The following FRK variants were observed in gnomAD, a reference collection of about 807,000 sequenced individuals.
FRK encodes tyrosine-protein kinase FRK.
FRK carries 51 observed loss-of-function variants against 56.4 expected under a neutral mutation model. The ratio of observed to expected loss-of-function variants is 0.90; its 90% CI spans 0.72 to 1.14. The LOEUF is 1.14. FRK is among the 50% of genes most tolerant of loss of function. The pLI is 0.00. For missense variants in FRK, 570 were observed against 601.4 expected, an observed-to-expected ratio of 0.95 and a Z score of 0.55; for synonymous variants, 245 against 217.9, an observed-to-expected ratio of 1.12 and a Z score of -1.10.
intron 4 of FRK, among the ~76,000 whole-genome samples, chr6:115,958,641 A>G (rs1179574573): frequency 3.5e-4 from 2 of 5,760 alleles, no homozygotes; most frequent in Non-Finnish European, 4.2e-4. Flanking sequence ...AAAGGAAAGA[A>G]AGAAAAGAAA....
chr6:116,076,969 C>T, the FRK span, among the ~76,000 whole-genome samples: 1 of 152,184 alleles, frequency 6.6e-6, no homozygotes, highest in South Asian at 2.1e-4. Flanking sequence ...AAAAATCCAT[C>T]TCCCAATTCA....
the FRK span, among the ~76,000 whole-genome samples, chr6:116,094,061 G>A: frequency 6.6e-6 from 1 of 152,200 alleles, no homozygotes; most frequent in Non-Finnish European, 1.5e-5. Context: ...GTTTCAGAAA[G>A]GACAGAAAAT....
At chr6:116,049,173 A>G (rs1777098273) in intron 1 of FRK, among the ~76,000 whole-genome samples, 1 of 152,080 alleles carries the variant, frequency 6.6e-6, no homozygotes, top group Non-Finnish European at 1.5e-5. Flanking sequence ...CCACTCTTTA[A>G]ACTATCATAC....
At position 116,009,621 on chromosome 6, in the gene FRK, A is replaced by C. The variant is rs577755702; in HGVS notation, c.345-5623T>G. Among the ~76,000 whole-genome samples, 4 of 152,350 alleles carry C rather than the reference A, an allele frequency of 2.6e-5. No individual in the cohort carries two copies. The South Asian group carries it at 8.3e-4, about 32-fold the overall frequency. On this transcript the variant is annotated intron_variant, in intron 1 of 7. Transcript: ENST00000606080. Reference sequence around the variant, plus strand: ...TGCCATGAAAGATATCTTTATTAACAATAACCAAGAAGAAGATTAAACTCA... The same window carrying C: ...TGCCATGAAAGATATCTTTATTAACCATAACCAAGAAGAAGATTAAACTCA...
chr6:116,058,973 C>T (rs986653609), intron 1 of FRK, among the ~76,000 whole-genome samples: 4 of 151,428 alleles, frequency 2.6e-5, no homozygotes, highest in African/African-American at 9.7e-5. Flanking sequence ...TAAGGTTTCA[C>T]TGGATTCAGG....
the FRK span, among the ~76,000 whole-genome samples, chr6:116,087,104 G>A: frequency 6.6e-5 from 10 of 152,174 alleles, no homozygotes; most frequent in Admixed American, 1.3e-4. Context: ...CCAAAATAAC[G>A]TCTCCTCTTT....
At chr6:115,994,765 T>C (rs904935554) in intron 2 of FRK, among the ~76,000 whole-genome samples, 3 of 152,060 alleles carry the variant, frequency 2.0e-5, no homozygotes, top group African/African-American at 7.2e-5. Flanking sequence ...ATGGGATTAA[T>C]GCCCTTATAA....
chr6:115,952,443 G>A (rs1304228249), intron 5 of FRK, among the ~76,000 whole-genome samples: 1 of 151,996 alleles, frequency 6.6e-6, no homozygotes, highest in Non-Finnish European at 1.5e-5. Context: ...AGAGGATGTG[G>A]AGAAATAGGA....
At chr6:116,085,701 CGT>C in the FRK span, among the ~76,000 whole-genome samples, 4 of 151,600 alleles carry the variant, frequency 2.6e-5, no homozygotes, top group Non-Finnish European at 4.4e-5. Flanking sequence ...ATGCACAGGC[CGT>C]GTGTGTGTGG....
intron 2 of FRK, among the ~76,000 whole-genome samples, chr6:115,972,210 G>A (rs1395328709): frequency 1.3e-5 from 2 of 152,150 alleles, no homozygotes; most frequent in Non-Finnish European, 2.9e-5. Flanking sequence ...CCTCCAGACT[G>A]TCCATCTACA....
At chr6:115,995,093 A>G (rs930362584) in intron 2 of FRK, among the ~76,000 whole-genome samples, 1 of 152,158 alleles carries the variant, frequency 6.6e-6, no homozygotes, top group Admixed American at 6.6e-5. Context: ...AATCTATTCC[A>G]GCCACTTAAC....
chr6:115,956,550 G>A lies in FRK; in HGVS notation c.860C>T (p.Pro287Leu), dbSNP rs775194998. Residue 287 changes from proline to leucine, a missense_variant, in exon 5 of 8, where the codon CCA becomes CTA. Pro to Leu is a moderately conservative substitution (Grantham distance 98). Transcript: ENST00000606080. ...AACAGCATAAAGCTGGATAAGCTTT[G>A]GATGTCTTAGGTTCTTCATTATCTG... Reference protein sequence around the residue: ...EAQIMKNLRHPKLIQLYAVCT... With the variant: ...EAQIMKNLRHLKLIQLYAVCT... 1 of 1,592,682 alleles carries A rather than the reference G, an allele frequency of 6.3e-7. No homozygotes were observed. Among genetic ancestry groups the A allele is most frequent in the Admixed American group, 1.7e-5 (1 of 57,370 alleles).
upstream of FRK, among the ~76,000 whole-genome samples, chr6:116,064,179 GC>G (rs1180842298): frequency 6.6e-6 from 1 of 152,166 alleles, no homozygotes; most frequent in East Asian, 1.9e-4. Context: ...CTGCACCTCT[GC>G]ATCCTCCTCT....
intron 1 of FRK, among the ~76,000 whole-genome samples, chr6:116,047,131 G>A (rs2114804963): frequency 6.6e-6 from 1 of 151,852 alleles, no homozygotes; most frequent in Non-Finnish European, 1.5e-5. Context: ...ACCTCAAAAT[G>A]TGAGAGGTCA....
rs1379792472 is a variant in FRK, at chr6:115,934,273, A to G, written c.*8141T>C. The G allele has an allele frequency of 6.6e-6, 1 of 152,216 alleles. No individual in the cohort carries two copies. The highest frequency in any genetic ancestry group is 2.4e-5 in the African/African-American group (1 of 41,456). 9.4% of individuals were successfully genotyped at this position (152,216 alleles called of 1,614,324 possible). A position where few individuals can be genotyped will look rare whatever the true frequency, so the allele number is the denominator to read the frequency against. ...ACTTGTCTCTGAGGAAGGTGACCAC[A>G]TTCCCAGATTCAGAGTCAGAACTTA... is the stretch of plus-strand genomic sequence containing the variant. On this transcript the variant is annotated 3_prime_UTR_variant, in exon 8 of 8. Transcript: ENST00000606080.
intron 2 of FRK, among the ~76,000 whole-genome samples, chr6:116,003,034 T>C (rs771770639): frequency 3.9e-5 from 6 of 152,170 alleles, no homozygotes; most frequent in Non-Finnish European, 7.4e-5. Flanking sequence ...CAAATGGGCA[T>C]CATGTTTAAT....
chr6:115,949,500 G>T (rs1165224597), intron 5 of FRK, among the ~76,000 whole-genome samples: 1 of 152,050 alleles, frequency 6.6e-6, no homozygotes, highest in Non-Finnish European at 1.5e-5. Flanking sequence ...TCTTTAAAGA[G>T]AACTACAAAC....
Position 116,003,982 on chromosome 6 carries a change from T to C in FRK, c.361A>G (p.Ile121Val). Residue 121 changes from isoleucine (I) to valine (V), a missense_variant, in exon 2 of 8, where the codon ATC becomes GTC. Ile to Val is a conservative substitution (Grantham distance 29). Coordinates refer to ENST00000606080, the MANE Select transcript of FRK (RefSeq NM_002031.3). ...LQAEPWFFGA[I>V]GRSDAEKQLL... Reference sequence around the variant, plus strand: ...TGTTTCTCTGCATCTGATCTTCCGATTGCTCCAAAGAACCACCTAAAAAGA... The same window carrying C: ...TGTTTCTCTGCATCTGATCTTCCGACTGCTCCAAAGAACCACCTAAAAAGA... The C allele has an allele frequency of 6.2e-7, 1 of 1,612,544 alleles. No individual in the cohort carries two copies.
chr6:116,032,261 T>C (rs1188602462), intron 1 of FRK, among the ~76,000 whole-genome samples: 2 of 151,954 alleles, frequency 1.3e-5, no homozygotes, highest in Admixed American at 6.6e-5. Context: ...CAAAAAAACA[T>C]AATAAAAGTC....
Sources: allele counts gnomAD v4.1 joint callset (sites outside exome capture counted in the v4.1 genomes callset), GRCh38; gene constraint gnomAD v4.1.1; transcripts MANE v1.5; gene names NCBI Gene and HGNC (gene_info 2026-07-23, HGNC 2026-07-21).